The following APBB2 variants were observed in gnomAD, a reference collection of about 807,000 sequenced individuals.
APBB2 encodes Fe65-like 1.
APBB2 carries 38 observed loss-of-function variants against 82.5 expected under a neutral mutation model. The observed-to-expected ratio is 0.46, with a 90% CI of 0.36 to 0.60. The LOEUF is 0.60. Ranked by LOEUF, APBB2 falls within the 20% of genes least tolerant of loss-of-function variation. The pLI is 0.00. For synonymous variants in APBB2, 341 were observed against 368.2 expected (o/e 0.93, Z 0.85); for missense variants, 772 against 972.3 (o/e 0.79, Z 2.74).
chr4:40,930,471 G>A (rs973861553), intron 10 of APBB2, among the ~76,000 whole-genome samples: 3 of 141,458 alleles, frequency 2.1e-5, no homozygotes, highest in Admixed American at 6.7e-5. Context: ...GCGCGCGTGC[G>A]CGTGCGCGTA....
chr4:40,831,422 C>T (rs577854245), intron 12 of APBB2, among the ~76,000 whole-genome samples: 4 of 150,376 alleles, frequency 2.7e-5, no homozygotes, highest in East Asian at 2.0e-4. Flanking sequence ...AAAAAAAAAA[C>T]ATAACTTCAA....
At chr4:40,963,194 G>A (rs904139925) in intron 6 of APBB2, among the ~76,000 whole-genome samples, 3 of 151,948 alleles carry the variant, frequency 2.0e-5, no homozygotes, top group Non-Finnish European at 2.9e-5. Flanking sequence ...ATTCTGGCAT[G>A]TTCTAAGCAT....
chr4:40,980,697 G>T (rs1479160613), intron 6 of APBB2, among the ~76,000 whole-genome samples: 5 of 152,172 alleles, frequency 3.3e-5, no homozygotes, highest in Non-Finnish European at 7.4e-5. Context: ...TGTGCTTGTG[G>T]TCTCAAGGCT....
In APBB2 at chr4:41,013,892, C is replaced by T; in HGVS notation, c.526G>A (p.Glu176Lys). The change falls in exon 6 of 18, where the codon GAG (glutamate) becomes AAG (lysine). Residue 176 changes from glutamate (E) to lysine (K), a missense_variant. Coordinates refer to ENST00000508593, the MANE Select transcript of APBB2 (RefSeq NM_004307.2). ...CCATGGTGATTGCCTCGGTTCTGCTCTAGTTCTCTGGCTGAGGTTTCCAGA... is the reference window on the plus strand; with the variant it reads ...CCATGGTGATTGCCTCGGTTCTGCTTTAGTTCTCTGGCTGAGGTTTCCAGA... The part of the protein sequence containing the change: ...ADLETSAREL[E>K]QNRGNHHGTA... The T allele has an allele frequency of 6.2e-7, 1 of 1,614,158 alleles. No individual in the cohort carries two copies. Among genetic ancestry groups the T allele is most frequent in the South Asian group, 1.1e-5 (1 of 91,088 alleles).
At chr4:40,889,308 G>A (rs1163742554) in intron 12 of APBB2, among the ~76,000 whole-genome samples, 3 of 152,166 alleles carry the variant, frequency 2.0e-5, no homozygotes, top group Non-Finnish European at 4.4e-5. Context: ...TTTAGGTCTT[G>A]GAACTGAATC....
At chr4:40,992,362 G>GGGC (rs1802362200) in intron 6 of APBB2, among the ~76,000 whole-genome samples, 1 of 4,164 alleles carries the variant, frequency 2.4e-4, no homozygotes, top group South Asian at 0.013. Context: ...TGGTAGAGAT[G>GGGC]GGGGGGGGTC....
chr4:41,182,369 G>A (rs557213933), intron 1 of APBB2, among the ~76,000 whole-genome samples: 7 of 152,192 alleles, frequency 4.6e-5, no homozygotes, highest in South Asian at 4.2e-4. Context: ...CTGCCTTCTT[G>A]GTGATCTCAC....
Position 40,813,494 on chromosome 4 carries a change from T to C in APBB2, c.*2598A>G, listed in dbSNP as rs931440746. The C allele has an allele frequency of 5.9e-5, 9 of 152,204 alleles. No individual in the cohort carries two copies. Among genetic ancestry groups the C allele is most frequent in the African/African-American group, 1.9e-4 (8 of 41,462 alleles). 9.4% of individuals were successfully genotyped at this position (152,204 alleles called of 1,614,324 possible). A position where few individuals can be genotyped will look rare whatever the true frequency, so the allele number is the denominator to read the frequency against. On this transcript the variant is annotated 3_prime_UTR_variant, in exon 18 of 18. Transcript: ENST00000508593. ...ACAAATACACACATACTTTCATACATACTTTTTGGCCATGGCAGAAAGTGT... is the reference window on the plus strand; with the variant it reads ...ACAAATACACACATACTTTCATACACACTTTTTGGCCATGGCAGAAAGTGT...
rs1413238349 is a variant in APBB2 at position 41,190,750 on chromosome 4, C to T, written c.-417+23655G>A. On this transcript the variant is annotated intron_variant, in intron 1 of 17. Coordinates refer to ENST00000508593, the MANE Select transcript of APBB2 (RefSeq NM_004307.2). ...ACCTGTCCATAAAAACACGGCTTGA[C>T]TCCTGGAGTCAGCTAAACTTTACCT... Among the ~76,000 whole-genome samples, 3 of 152,258 alleles carry T rather than the reference C, an allele frequency of 2.0e-5. No individual in the cohort carries two copies. The East Asian group carries it at 5.8e-4, about 29-fold the overall frequency.
chr4:41,121,269 G>A lies in APBB2; in HGVS notation c.-260-20519C>T, dbSNP rs116263916. 4.2e-3 allele frequency among the ~76,000 whole-genome samples: 637 copies of A among 152,292 alleles called. 7 individuals carry two copies. The highest frequency in any genetic ancestry group is 0.014 in the African/African-American group (585 of 41,552). Reference sequence around the variant, plus strand: ...TTTAACTCTAGCATCAGTAACATACGTGCTTTGAATTTTTATCAGGAATGG... The same window carrying A: ...TTTAACTCTAGCATCAGTAACATACATGCTTTGAATTTTTATCAGGAATGG... On this transcript the variant is annotated intron_variant, in intron 2 of 17. Transcript: ENST00000508593.
chr4:40,913,544 A>G (rs1779092133), intron 10 of APBB2, among the ~76,000 whole-genome samples: 1 of 152,164 alleles, frequency 6.6e-6, no homozygotes, highest in African/African-American at 2.4e-5. Context: ...AAGTTCACCT[A>G]CTTGCTAAAG....
intron 1 of APBB2, among the ~76,000 whole-genome samples, chr4:41,210,980 C>A (rs10003861): frequency 0.13 from 19,999 of 152,102 alleles, 2,084 homozygotes; most frequent in African/African-American, 0.28. Context: ...ACAGACCAGG[C>A]GTGATGGCTC....
intron 1 of APBB2, among the ~76,000 whole-genome samples, chr4:41,186,898 C>A (rs1242945333): frequency 1.3e-5 from 2 of 152,148 alleles, no homozygotes; most frequent in Non-Finnish European, 2.9e-5. Context: ...GACTCCAAAT[C>A]CATGCATTTG....
In APBB2 at chr4:41,159,912, G is replaced by GAA. The variant is rs769662798; in HGVS notation, c.-416-16771_-416-16770insTT. Among the ~76,000 whole-genome samples the GAA allele has an allele frequency of 4.3e-3, 61 of 14,114 alleles. 4 individuals are homozygous for GAA. Among genetic ancestry groups the GAA allele is most frequent in the Admixed American group, 7.1e-3 (6 of 848 alleles). The allele number at this position is 14,114 out of a possible 152,430, so 9.3% of individuals were successfully genotyped here. A position where few individuals can be genotyped will look rare whatever the true frequency, so the allele number is the denominator to read the frequency against. On this transcript the variant is annotated intron_variant, in intron 1 of 17. Transcript: ENST00000508593. ...AAAAAAGGAAGAAGAAGGAGAAGGA[G>GAA]GAGGAGGAGGAGGAGGAGGAGGAGG...
intron 6 of APBB2, among the ~76,000 whole-genome samples, chr4:40,992,067 C>T (rs537215558): frequency 2.6e-5 from 4 of 152,258 alleles, no homozygotes; most frequent in Admixed American, 1.3e-4. Flanking sequence ...AAAAATACTA[C>T]AGAGAGAAAA....
rs753890447 is a variant in APBB2, at chr4:40,832,487, C to A, written c.1530-1910G>T. On this transcript the variant is annotated intron_variant, in intron 12 of 17. Transcript: ENST00000508593. The surrounding 1 kb of genome is among the most constrained non-coding windows in gnomAD (Gnocchi z 4.8). ...GCTTCCTCACGTTCTAGCTCAGTGT[C>A]CTCCATGCTAGAACCGGACTCCCCC... Among the ~76,000 whole-genome samples, 5 of 152,192 alleles carry A rather than the reference C, an allele frequency of 3.3e-5. No individual in the cohort carries two copies. The highest frequency in any genetic ancestry group is 5.9e-5 in the Non-Finnish European group (4 of 68,042).
At chr4:41,042,279 G>A (rs1410895883) in intron 4 of APBB2, among the ~76,000 whole-genome samples, 2 of 152,124 alleles carry the variant, frequency 1.3e-5, no homozygotes, top group African/African-American at 4.8e-5. Context: ...GTGAGCCACC[G>A]TGCCCGGCCT....
At chr4:40,984,494 G>A (rs1360078246) in intron 6 of APBB2, among the ~76,000 whole-genome samples, 1 of 152,144 alleles carries the variant, frequency 6.6e-6, no homozygotes, top group Non-Finnish European at 1.5e-5. Flanking sequence ...GGAAGGGTGG[G>A]GGGTCAGGGA....
chr4:41,170,572 C>T (rs1457914131), intron 1 of APBB2, among the ~76,000 whole-genome samples: 1 of 152,186 alleles, frequency 6.6e-6, no homozygotes, highest in East Asian at 1.9e-4. Context: ...CTGCCCAGTA[C>T]TCTTCAGAAA....
Sources: gnomAD v4.1 joint callset for allele counts (sites outside exome capture counted in the v4.1 genomes callset) on GRCh38, gnomAD v4.1.1 for gene constraint, Gnocchi (gnomAD v3.1) non-coding constraint, MANE v1.5 for transcripts, NCBI Gene and HGNC (gene_info 2026-07-23, HGNC 2026-07-21) for gene names.